Variants in FAM117A observed in about 807,000 individuals in gnomAD.
The protein encoded by FAM117A is family with sequence similarity 117 member A, also known as protein FAM117A.
FAM117A carries 21 observed loss-of-function variants against 44.1 expected under a neutral mutation model. The observed-to-expected ratio is 0.48, with a 90% confidence interval of 0.34 to 0.69. The LOEUF (loss-of-function observed/expected upper bound fraction) is 0.69, where lower values mean the gene tolerates loss of function less well. Ranked by LOEUF, FAM117A falls within the 30% of genes least tolerant of loss-of-function variation. The probability of loss-of-function intolerance (pLI) is 0.01; values close to 1 mark genes in which losing one functional copy is unlikely to be tolerated. For synonymous variants in FAM117A, 220 were observed against 238.3 expected, an observed-to-expected ratio of 0.92 and a Z score of 0.71; for missense variants, 498 against 589.9, an observed-to-expected ratio of 0.84 and a Z score of 1.61.
chr17:49,787,099 AAG>A (rs1409268705), intron 1 of FAM117A, among the ~76,000 whole-genome samples: 2 of 152,100 alleles, frequency 1.3e-5, no homozygotes, highest in Admixed American at 6.5e-5. Flanking sequence ...AAAAAAAAAG[AAG>A]AGAGAGAAAA....
chr17:49,782,327 A>G (rs1269708741), intron 1 of FAM117A, among the ~76,000 whole-genome samples: 1 of 140,898 alleles, frequency 7.1e-6, no homozygotes, highest in African/African-American at 2.6e-5. Flanking sequence ...CAGTGAGCCA[A>G]GACTGCGCCA....
chr17:49,711,263 T>C lies in FAM117A; in HGVS notation c.1354A>G (p.Met452Val). The change falls in exon 8 of 8, where the codon ATG becomes GTG. Residue 452 changes from methionine (M) to valine (V), a missense_variant. By Grantham distance (21) the Met-to-Val change is conservative. Around this residue, in one of 3 missense-constraint regions of FAM117A, gnomAD observed 224 missense variants for 296.5 expected, o/e 0.76. Transcript: ENST00000240364. ...GGGCAGGGGTGGGACCCTCAGACCA[T>C]CAGGGAGCTCTGGAAAAGCACAGGC... ...EEPVLFQSSLMV is the reference protein window; with the variant it reads ...EEPVLFQSSLVV 1 of 1,602,716 alleles carries C rather than the reference T, an allele frequency of 6.2e-7. No homozygotes were observed.
At chr17:49,773,876 C>T (rs1488004816) in intron 1 of FAM117A, among the ~76,000 whole-genome samples, 1 of 152,114 alleles carries the variant, frequency 6.6e-6, no homozygotes, top group African/African-American at 2.4e-5. Flanking sequence ...GCCTCAGCCT[C>T]CCGAATAGCT....
At chr17:49,745,843 A>G in intron 1 of FAM117A, among the ~76,000 whole-genome samples, 1 of 152,264 alleles carries the variant, frequency 6.6e-6, no homozygotes, top group East Asian at 1.9e-4. Context: ...AGACATAACC[A>G]AAAGGGGACT....
rs547415255 is a variant in FAM117A at position 49,759,480 on chromosome 17, A to G, written c.196+4412T>C. On this transcript the variant is annotated intron_variant, in intron 1 of 7. Transcript: ENST00000240364. The stretch of plus-strand genomic sequence containing the variant: ...ATGCTTCCCAAACAGAAGCTGCCTC[A>G]ATCACAGGTTTTAGAAGGGGAATTG... Among the ~76,000 whole-genome samples the G allele has an allele frequency of 5.9e-5, 9 of 152,326 alleles. No individual in the cohort carries two copies. The South Asian group carries it at 1.9e-3, about 32-fold the overall frequency.
At chr17:49,753,655 C>T (rs2073685958) in intron 1 of FAM117A, among the ~76,000 whole-genome samples, 1 of 151,968 alleles carries the variant, frequency 6.6e-6, no homozygotes, top group South Asian at 2.1e-4. Flanking sequence ...GTTTCTATCA[C>T]AAATAAAAAA....
chr17:49,770,269 CAAAAA>C (rs57966452), intron 1 of FAM117A, among the ~76,000 whole-genome samples: 2 of 69,816 alleles, frequency 2.9e-5, no homozygotes, highest in African/African-American at 5.1e-5. Flanking sequence ...GACTCTGTAT[CAAAAA>C]AAAAAAAAAA....
intron 1 of FAM117A, among the ~76,000 whole-genome samples, chr17:49,762,431 T>C (rs1009407710): frequency 6.6e-6 from 1 of 152,206 alleles, no homozygotes; most frequent in Non-Finnish European, 1.5e-5. Flanking sequence ...TTGGTCACCA[T>C]CTTGCTACCA....
At chr17:49,733,388 C>T (rs2073594692) in intron 1 of FAM117A, among the ~76,000 whole-genome samples, 1 of 152,086 alleles carries the variant, frequency 6.6e-6, no homozygotes, top group Non-Finnish European at 1.5e-5. Context: ...ATTATAAATC[C>T]ATTCATAGGC....
At chr17:49,726,547 G>T (rs1021491780) in intron 2 of FAM117A, among the ~76,000 whole-genome samples, 3 of 152,216 alleles carry the variant, frequency 2.0e-5, no homozygotes, top group African/African-American at 7.2e-5. Context: ...GTGTACACAG[G>T]TGTGGACTAT....
rs2073560854 is a variant in FAM117A at position 49,726,553 on chromosome 17, A to T, written c.367-3959T>A. Among the ~76,000 whole-genome samples the T allele has an allele frequency of 3.9e-5, 6 of 152,186 alleles. No individual in the cohort carries two copies. The South Asian group carries it at 1.2e-3, about 31-fold the overall frequency. ...AAGGCAGGAGTGTACACAGGTGTGG[A>T]CTATAGCCCCTCCTAAACTGGGAGT... On this transcript the variant is annotated intron_variant, in intron 2 of 7. Coordinates refer to ENST00000240364, the MANE Select transcript of FAM117A (RefSeq NM_030802.4).
intron 5 of FAM117A, chr17:49,719,525 A>G: frequency 4.9e-6 from 2 of 411,258 alleles, no homozygotes; most frequent in East Asian, 4.2e-5. Flanking sequence ...CTCTCTGCCA[A>G]TCCTTGCCCC....
intron 1 of FAM117A, among the ~76,000 whole-genome samples, chr17:49,737,886 C>A (rs1425509868): frequency 6.6e-6 from 1 of 152,214 alleles, no homozygotes; most frequent in Non-Finnish European, 1.5e-5. Flanking sequence ...CAACTACTCA[C>A]TGAGGCTCAC....
chr17:49,774,718 G>A (rs540821294), intron 1 of FAM117A, among the ~76,000 whole-genome samples: 3 of 152,170 alleles, frequency 2.0e-5, no homozygotes, highest in Non-Finnish European at 4.4e-5. Flanking sequence ...TGTTGAGTCA[G>A]TGTTTGTTAT....
intron 1 of FAM117A, among the ~76,000 whole-genome samples, chr17:49,756,932 AAAGAG>A (rs1198005739): frequency 1.5e-4 from 22 of 151,384 alleles, no homozygotes; most frequent in African/African-American, 4.9e-4. Context: ...AAAAAAAAAA[AAAGAG>A]AGAGAGAAAG....
chr17:49,729,972 A>T (rs956855664), intron 2 of FAM117A, among the ~76,000 whole-genome samples: 10 of 152,282 alleles, frequency 6.6e-5, no homozygotes, highest in African/African-American at 4.8e-5. Context: ...GGAAAGGAAC[A>T]CCAGTTACTT....
chr17:49,721,200 T>C (rs2073532608), intron 3 of FAM117A, among the ~76,000 whole-genome samples: 1 of 152,200 alleles, frequency 6.6e-6, no homozygotes, highest in African/African-American at 2.4e-5. Flanking sequence ...ATCTTGACTT[T>C]CATATCCTGA....
chr17:49,720,973 A>G (rs1441976614), intron 3 of FAM117A, among the ~76,000 whole-genome samples: 3 of 152,126 alleles, frequency 2.0e-5, no homozygotes, highest in Admixed American at 6.5e-5. Context: ...TCAGCCTCCC[A>G]AAGTCCTGGG....
intron 1 of FAM117A, among the ~76,000 whole-genome samples, chr17:49,755,614 C>T (rs1598032307): frequency 6.6e-6 from 1 of 152,354 alleles, no homozygotes; most frequent in Non-Finnish European, 1.5e-5. Context: ...ACAGGCCTAG[C>T]AATGACATCT....
Sources: gnomAD v4.1 joint callset for allele counts (sites outside exome capture counted in the v4.1 genomes callset) on GRCh38, gnomAD v4.1.1 for gene constraint, gnomAD v4.1.1 regional missense constraint, MANE v1.5 for transcripts, NCBI Gene and HGNC (gene_info 2026-07-23, HGNC 2026-07-21) for gene names.